The following TBC1D8B variants were observed in gnomAD, a reference collection of about 807,000 sequenced individuals.
TBC1D8B encodes TBC1 domain family member 8B.
In TBC1D8B, 75 loss-of-function variants were observed where a neutral mutation model predicts 82.9. That is an observed-to-expected ratio of 0.90 (90% CI 0.75 to 1.10). The LOEUF (loss-of-function observed/expected upper bound fraction) is 1.10. TBC1D8B is among the 50% of genes least tolerant of loss of function. The probability of loss-of-function intolerance (pLI) is 0.00; values close to 1 mark genes in which losing one functional copy is unlikely to be tolerated. For missense variants in TBC1D8B, 794 were observed against 796.9 expected, an observed-to-expected ratio of 1.00 and a Z score of 0.04; for synonymous variants, 276 against 276.8, an observed-to-expected ratio of 1.00 and a Z score of 0.03.
intron 10 of TBC1D8B, among the ~76,000 whole-genome samples, chrX:106,846,390 G>A (rs1006017092): frequency 3.9e-5 from 4 of 103,715 alleles, no homozygotes; most frequent in African/African-American, 7.1e-5. Flanking sequence ...TTACAGGCAT[G>A]AGCCACCGCA....
intron 1 of TBC1D8B, chrX:106,814,307 G>A (rs755636151): frequency 1.6e-4 from 17 of 107,222 alleles, no homozygotes; most frequent in African/African-American, 3.8e-4. Context: ...GAATAGTGCC[G>A]CAATAAACAT....
chrX:106,872,123 C>T (rs748066146), intron 20 of TBC1D8B, among the ~76,000 whole-genome samples: 1 of 109,463 alleles, frequency 9.1e-6, no homozygotes, highest in Admixed American at 9.8e-5. Flanking sequence ...GTTTTAAGAC[C>T]GACTATCAGA....
At chrX:106,831,381 A>G (rs1225104049) in intron 7 of TBC1D8B, among the ~76,000 whole-genome samples, 1 of 111,257 alleles carries the variant, frequency 9.0e-6, no homozygotes. Context: ...TTGGCCATCA[A>G]GGGTTTTCCT....
At chrX:106,858,332 G>A (rs1264024726) in intron 14 of TBC1D8B, among the ~76,000 whole-genome samples, 1 of 111,846 alleles carries the variant, frequency 8.9e-6, no homozygotes, top group African/African-American at 3.2e-5. Context: ...GAGTGCAGTG[G>A]TGCGATCTTG....
intron 5 of TBC1D8B, among the ~76,000 whole-genome samples, chrX:106,824,606 G>T (rs781105390): frequency 6.3e-5 from 7 of 110,251 alleles, no homozygotes; most frequent in Non-Finnish European, 9.5e-5. Context: ...TTTCTTTATT[G>T]GCAACCATAA....
intron 1 of TBC1D8B, 148 bp downstream of exon 1, chrX:106,803,131 G>A: frequency 1.5e-6 from 1 of 671,468 alleles, no homozygotes; most frequent in Non-Finnish European, 2.1e-6. Context: ...CCACCTTTCC[G>A]CCACCACCTC....
Position 106,823,367 on chromosome X carries a change from T to C in TBC1D8B, c.728T>C (p.Leu243Pro), listed in dbSNP as rs772601210. 30 of 1,210,644 alleles carry C rather than the reference T, an allele frequency of 2.5e-5. No homozygotes were observed. Among genetic ancestry groups the C allele is most frequent in the Non-Finnish European group, 3.4e-5 (30 of 894,818 alleles). ...TTGCACATTAACCAAACATACCTTC[T>C]TATGGAACAGCTGGCAAACTATGCC... ...MFLHINQTYL[L>P]MEQLANYAIR... Residue 243 changes from leucine to proline, a missense_variant, in exon 5 of 21, where the codon CTT becomes CCT. Transcript: ENST00000357242.
intron 10 of TBC1D8B, among the ~76,000 whole-genome samples, chrX:106,844,227 GAACCTTCGGTAC>G (rs1278414446): frequency 1.1e-4 from 12 of 109,527 alleles, no homozygotes; most frequent in Admixed American, 1.1e-3. Context: ...GACCAGGCTA[GAACCTTCGGTAC>G]AATGTTGAAT....
In TBC1D8B at chrX:106,850,319, A is replaced by G; in HGVS notation, c.2123+9A>G. 8.5e-7 allele frequency: 1 copy of G among 1,176,342 alleles called. No individual in the cohort carries two copies. Among genetic ancestry groups the G allele is most frequent in the Admixed American group, 2.4e-5 (1 of 42,055 alleles). ...GTGACAGCCTTAAACAGGTATTGTA[A>G]GAACCATAACATTTAAATCTGGAGG... On this transcript the variant is annotated intron_variant, in intron 12 of 20. Transcript: ENST00000357242.
chrX:106,874,966 C>A lies in TBC1D8B; in HGVS notation c.*1001C>A, dbSNP rs369798112. 2 of 111,772 alleles carry A rather than the reference C, an allele frequency of 1.8e-5. No homozygotes were observed. Among genetic ancestry groups the A allele is most frequent in the Non-Finnish European group, 3.8e-5 (2 of 53,078 alleles). The allele number at this position is 111,772 out of a possible 1,213,427, so 9.2% of individuals were successfully genotyped here. A position where few individuals can be genotyped will look rare whatever the true frequency, so the allele number is the denominator to read the frequency against. On this transcript the variant is annotated 3_prime_UTR_variant, in exon 21 of 21. Coordinates refer to ENST00000357242, the MANE Select transcript of TBC1D8B (RefSeq NM_017752.3). ...AAGTATACTTGTATGTAATGATTGC[C>A]AAGGTAACAGAATTGCTGACATCTG... is the stretch of plus-strand genomic sequence containing the variant.
chrX:106,812,299 A>G (rs181316682), intron 1 of TBC1D8B, among the ~76,000 whole-genome samples: 35 of 111,998 alleles, frequency 3.1e-4, no homozygotes, highest in Non-Finnish European at 5.3e-4. Context: ...GCAGTTTACT[A>G]ATTAGTTTGT....
Position 106,859,483 on chromosome X carries a change from T to C in TBC1D8B, c.2352+5187T>C, listed in dbSNP as rs1299407736. On this transcript the variant is annotated intron_variant, in intron 14 of 20. Coordinates refer to ENST00000357242, the MANE Select transcript of TBC1D8B (RefSeq NM_017752.3). Reference sequence around the variant, plus strand: ...CTTTTTTTGGCTATTGTGAGTAGGATTGAGTTCTTGATTTGGCTCTCAGCT... The same window carrying C: ...CTTTTTTTGGCTATTGTGAGTAGGACTGAGTTCTTGATTTGGCTCTCAGCT... Among the ~76,000 whole-genome samples, 3 of 111,595 alleles carry C rather than the reference T, an allele frequency of 2.7e-5. No individual in the cohort carries two copies. In the East Asian group the frequency reaches 8.4e-4, roughly 31 times the overall value.
intron 1 of TBC1D8B, among the ~76,000 whole-genome samples, chrX:106,810,431 A>G (rs191482974): frequency 8.9e-6 from 1 of 112,121 alleles, no homozygotes; most frequent in Admixed American, 9.5e-5. Flanking sequence ...TAATGCACTT[A>G]GCGACTAGAA....
At chrX:106,825,263 G>C (rs1173564697) in intron 5 of TBC1D8B, among the ~76,000 whole-genome samples, 1 of 111,838 alleles carries the variant, frequency 8.9e-6, no homozygotes, top group African/African-American at 3.2e-5. Context: ...AGTATATGCA[G>C]GAAGAATGAA....
intron 18 of TBC1D8B, among the ~76,000 whole-genome samples, chrX:106,868,797 G>C (rs1932829778): frequency 8.9e-6 from 1 of 111,786 alleles, no homozygotes; most frequent in South Asian, 3.7e-4. Flanking sequence ...ATGATTAAAG[G>C]CCATAGCTAT....
chrX:106,824,359 C>G (rs1311656255), intron 5 of TBC1D8B, among the ~76,000 whole-genome samples: 2 of 110,808 alleles, frequency 1.8e-5, no homozygotes, highest in East Asian at 5.7e-4. Flanking sequence ...ACTACATAGC[C>G]CTCATTGGGT....
Position 106,823,329 on chromosome X carries a change from C to A in TBC1D8B, c.690C>A (p.Tyr230Ter), listed in dbSNP as rs1409831368. 8.3e-7 allele frequency: 1 copy of A among 1,208,684 alleles called. No individual in the cohort carries two copies. ...TGTGTTCCCAAGGAGAGAATCACTA[C>A]TTTTCAATGTTTTTGCACATTAACC... Reference protein sequence around the residue: ...IHVCSQGENHYFSMFLHINQT... With the variant: ...IHVCSQGENH Residue 230 changes from tyrosine (Y) to a stop codon, truncating the protein, a stop_gained, in exon 5 of 21, where the codon TAC becomes TAA. Coordinates refer to ENST00000357242, the MANE Select transcript of TBC1D8B (RefSeq NM_017752.3). LOFTEE classifies it high-confidence loss of function.
intron 20 of TBC1D8B, among the ~76,000 whole-genome samples, chrX:106,871,527 T>C (rs958965692): frequency 5.4e-5 from 6 of 111,993 alleles, no homozygotes; most frequent in Non-Finnish European, 7.5e-5. Flanking sequence ...ATCATCAACA[T>C]AGAAGAAAAT....
At chrX:106,836,835 G>A (rs1164710612) in intron 7 of TBC1D8B, among the ~76,000 whole-genome samples, 1 of 111,499 alleles carries the variant, frequency 9.0e-6, no homozygotes, top group African/African-American at 3.3e-5. Context: ...TGGCATAAGG[G>A]GAGACATGTA....
Sources: allele counts gnomAD v4.1 joint callset (sites outside exome capture counted in the v4.1 genomes callset), GRCh38; gene constraint gnomAD v4.1.1; transcripts MANE v1.5; gene names NCBI Gene and HGNC (gene_info 2026-07-23, HGNC 2026-07-21).